The following ADGRG1 variants were observed in gnomAD, a reference collection of about 807,000 sequenced individuals.
ADGRG1 encodes the protein 7-transmembrane protein with no EGF-like N-terminal domains-1.
ADGRG1 carries 53 observed loss-of-function variants against 73.5 expected under a neutral mutation model. That is an observed-to-expected ratio of 0.72 (90% CI 0.58 to 0.91). The LOEUF is 0.91. Ranked by LOEUF, ADGRG1 falls within the 40% of genes least tolerant of loss-of-function variation. The pLI is 0.00. For synonymous variants in ADGRG1, 394 were observed against 374.4 expected, an observed-to-expected ratio of 1.05 and a Z score of -0.60; for missense variants, 795 against 871.8, an observed-to-expected ratio of 0.91 and a Z score of 1.11.
At chr16:57,642,408 G>A in intron 1 of ADGRG1, 1 of 985,114 alleles carries the variant, frequency 1.0e-6, no homozygotes, top group South Asian at 4.7e-5. Context: ...CTTTGGGACA[G>A]CTCAAAGGGG....
At chr16:57,627,228 C>T (rs2036017605), upstream of ADGRG1, 1 of 271,128 alleles carries the variant, frequency 3.7e-6, no homozygotes, top group Non-Finnish European at 5.7e-6. Context: ...ACGTTCCATT[C>T]ATTCTTCCTC....
chr16:57,620,918 G>C (rs1318271176), exon 1 of ADGRG1: 1 of 152,360 alleles, frequency 6.6e-6, no homozygotes, highest in Non-Finnish European at 1.5e-5. Flanking sequence ...AGGCTCCCCT[G>C]CTGTCCAGGC....
At chr16:57,638,027 T>G (rs565565801) in intron 1 of ADGRG1, among the ~76,000 whole-genome samples, 1 of 152,344 alleles carries the variant, frequency 6.6e-6, no homozygotes, top group Non-Finnish European at 1.5e-5. Flanking sequence ...GTGCCCTGTC[T>G]GGGGCGTACC....
intron 5 of ADGRG1, 34 bp downstream of exon 5, chr16:57,654,167 G>A: frequency 6.3e-7 from 1 of 1,599,736 alleles, no homozygotes; most frequent in Non-Finnish European, 8.5e-7. Flanking sequence ...AGCAGATGCG[G>A]GTTGGGCCGG....
At chr16:57,632,214 C>T in intron 1 of ADGRG1, 1 of 985,452 alleles carries the variant, frequency 1.0e-6, no homozygotes, top group African/African-American at 1.7e-5. Context: ...CTCAGCCAGC[C>T]AGGCACATGC....
chr16:57,623,162 G>A (rs1026711433), upstream of ADGRG1: 22 of 978,090 alleles, frequency 2.2e-5, no homozygotes, highest in Admixed American at 6.1e-5. Flanking sequence ...GGGTTGTGGG[G>A]GAAAATGCAA....
chr16:57,639,049 G>A (rs937415981), intron 1 of ADGRG1, among the ~76,000 whole-genome samples: 32 of 151,362 alleles, frequency 2.1e-4, no homozygotes, highest in South Asian at 1.0e-3. Flanking sequence ...CAGCCTGGGC[G>A]AAAGAGCGAA....
intron 1 of ADGRG1, chr16:57,647,861 T>G: frequency 1.4e-6 from 1 of 708,388 alleles, no homozygotes. Flanking sequence ...GCTTCACTTG[T>G]TTCCTTCCAA....
At chr16:57,658,815 G>C (rs908228202) in intron 10 of ADGRG1, 2 of 233,778 alleles carry the variant, frequency 8.6e-6, no homozygotes, top group Non-Finnish European at 1.4e-5. Flanking sequence ...GGCAAACTGA[G>C]AGTCTCAAGG....
upstream of ADGRG1, chr16:57,628,070 G>A (rs200497021): frequency 1.1e-5 from 9 of 837,310 alleles, no homozygotes; most frequent in East Asian, 1.5e-3. Context: ...GTCACCCCCC[G>A]GGGGGACGCA....
upstream of ADGRG1, among the ~76,000 whole-genome samples, chr16:57,625,265 G>T (rs1331228955): frequency 1.3e-5 from 2 of 152,182 alleles, no homozygotes; most frequent in Admixed American, 1.3e-4. Flanking sequence ...GGGAAGCAGG[G>T]GGGACCTGTG....
At chr16:57,650,180 C>T in intron 1 of ADGRG1, 73 bp from the exon 2 acceptor site, 1 of 1,573,194 alleles carries the variant, frequency 6.4e-7, no homozygotes, top group Non-Finnish European at 8.7e-7. Flanking sequence ...GCCACACTGG[C>T]CTCCTCTTCT....
At chr16:57,633,967 T>G in intron 1 of ADGRG1, 1 of 501,224 alleles carries the variant, frequency 2.0e-6, no homozygotes, top group Non-Finnish European at 2.6e-6. Flanking sequence ...TGACCCAGGT[T>G]TTGGAGTGAG....
chr16:57,620,521 G>A (rs1283588585), upstream of ADGRG1, among the ~76,000 whole-genome samples: 9 of 152,168 alleles, frequency 5.9e-5, no homozygotes, highest in Admixed American at 3.3e-4. Context: ...TTTCCGCAGC[G>A]CCCTGAGCAG....
chr16:57,644,143 G>T, intron 1 of ADGRG1: 1 of 984,410 alleles, frequency 1.0e-6, no homozygotes, highest in Non-Finnish European at 1.2e-6. Flanking sequence ...TTTGAAGTCT[G>T]TTCCTCTGAG....
intron 1 of ADGRG1, chr16:57,645,922 A>C (rs1485304987): frequency 1.3e-5 from 2 of 152,218 alleles, no homozygotes; most frequent in African/African-American, 2.4e-5. Context: ...GACTTGTCTT[A>C]GCTCGTCTCA....
chr16:57,661,179 A>C, intron 12 of ADGRG1: 2 of 561,788 alleles, frequency 3.6e-6, no homozygotes, highest in Non-Finnish European at 4.5e-6. Context: ...CCTCAGCAGC[A>C]CCTCTCTGTC....
At position 57,634,875 on chromosome 16, in the gene ADGRG1, G is replaced by A. The variant is rs118140950; in HGVS notation, c.-36+6073G>A. 23 of 717,444 alleles carry A rather than the reference G, an allele frequency of 3.2e-5. No individual in the cohort carries two copies. In the East Asian group the frequency reaches 2.8e-3, roughly 87 times the overall value. 44.4% of individuals were successfully genotyped at this position (717,444 alleles called of 1,614,324 possible). A position where few individuals can be genotyped will look rare whatever the true frequency, so the allele number is the denominator to read the frequency against. ...TTTCTAGCCGCATCAGGCCATGCTT[G>A]TGGGCAGGTGGTGCCTCTATCTAGA... On this transcript the variant is annotated intron_variant, in intron 1 of 13. Transcript: ENST00000562631.
At chr16:57,640,608 G>C (rs1261716353) in intron 1 of ADGRG1, among the ~76,000 whole-genome samples, 2 of 152,256 alleles carry the variant, frequency 1.3e-5, no homozygotes, top group Non-Finnish European at 2.9e-5. Flanking sequence ...TGTGTGCTCA[G>C]GAGTGGGGAT....
Sources: allele counts gnomAD v4.1 joint callset (sites outside exome capture counted in the v4.1 genomes callset), GRCh38; gene constraint gnomAD v4.1.1; transcripts MANE v1.5; gene names NCBI Gene and HGNC (gene_info 2026-07-23, HGNC 2026-07-21).